The following DCLRE1C variants were observed in gnomAD, a reference collection of about 807,000 sequenced individuals.
The protein encoded by DCLRE1C is protein artemis.
A neutral mutation model predicts 61.4 loss-of-function variants in DCLRE1C; 47 were observed. The ratio of observed to expected loss-of-function variants is 0.77; its 90% confidence interval spans 0.61 to 0.98. The LOEUF (loss-of-function observed/expected upper bound fraction) is 0.98. Ranked by LOEUF, DCLRE1C falls within the 50% of genes least tolerant of loss-of-function variation. DCLRE1C has a pLI of 0.00. For missense variants in DCLRE1C, 858 were observed against 816.0 expected (o/e 1.05, Z -0.63); for synonymous variants, 337 against 287.6 (o/e 1.17, Z -1.74).
At chr10:14,954,119 G>A (rs1842852466), upstream of DCLRE1C, 2 of 1,566,714 alleles carry the variant, frequency 1.3e-6, no homozygotes, top group Admixed American at 1.8e-5. Flanking sequence ...GCCATTGGGC[G>A]GCCGAACGCA....
chr10:14,916,745 G>C (rs1836265812), intron 13 of DCLRE1C, among the ~76,000 whole-genome samples: 1 of 152,164 alleles, frequency 6.6e-6, no homozygotes, highest in East Asian at 1.9e-4. Context: ...AAACACTGCT[G>C]AGAGAAATTA....
chr10:14,921,134 C>T (rs1225043621), intron 12 of DCLRE1C, among the ~76,000 whole-genome samples: 1 of 152,118 alleles, frequency 6.6e-6, no homozygotes, highest in Non-Finnish European at 1.5e-5. Flanking sequence ...TCCTGGCTAA[C>T]ATGGTGAAAC....
Position 14,933,429 on chromosome 10 carries a change from G to C in DCLRE1C, c.679-474C>G, listed in dbSNP as rs147092495. On this transcript the variant is annotated intron_variant, in intron 8 of 13. Transcript: ENST00000378278. ...AGGCCGGTGGATCACTTGAGGTCAG[G>C]AGATCGAGACCAGCCTGGCCAACAT... 8.3e-4 allele frequency among the ~76,000 whole-genome samples: 126 copies of C among 152,248 alleles called. 1 individual carries two copies. Among genetic ancestry groups the C allele is most frequent in the Non-Finnish European group, 1.5e-3 (103 of 68,026 alleles).
At chr10:14,909,367 G>A (rs749492307) in intron 13 of DCLRE1C, 37 bp from the exon 14 acceptor site, 2 of 1,579,984 alleles carry the variant, frequency 1.3e-6, no homozygotes, top group Non-Finnish European at 1.7e-6. Context: ...AGGAAACAAG[G>A]CAAAGGGAGC....
At chr10:14,934,873 G>C in intron 6 of DCLRE1C, 98 bp from the exon 7 acceptor site, 1 of 856,280 alleles carries the variant, frequency 1.2e-6, no homozygotes, top group Non-Finnish European at 2.0e-6. Flanking sequence ...TGTTGCCCAG[G>C]CTGAAGTGCA....
In DCLRE1C at chr10:14,934,266, T is replaced by C. The variant is rs41297036; in HGVS notation, c.678+114A>G. On this transcript the variant is annotated intron_variant, in intron 8 of 13. Coordinates refer to ENST00000378278, the MANE Select transcript of DCLRE1C (RefSeq NM_001033855.3). ...TTGCTTGAACCCGGGAGGTGGAGGC[T>C]GCAGTGAGCCGAGGTCGCGTCACTA... is the stretch of plus-strand genomic sequence containing the variant. The C allele has an allele frequency of 2.4e-3, 3,503 of 1,442,638 alleles. 89 individuals are homozygous for C. The African/African-American group carries it at 0.046, about 19-fold the overall frequency. The allele number at this position is 1,442,638 out of a possible 1,614,324, so 89.4% of individuals were successfully genotyped here. A position where few individuals can be genotyped will look rare whatever the true frequency, so the allele number is the denominator to read the frequency against.
At chr10:14,932,591 G>A (rs572455976) in intron 9 of DCLRE1C, among the ~76,000 whole-genome samples, 2 of 151,924 alleles carry the variant, frequency 1.3e-5, no homozygotes, top group Admixed American at 6.6e-5. Flanking sequence ...AGCCTAGATC[G>A]CACCACTGCA....
chr10:14,947,977 C>G (rs575515311), intron 2 of DCLRE1C, among the ~76,000 whole-genome samples: 2 of 152,038 alleles, frequency 1.3e-5, no homozygotes, highest in Non-Finnish European at 1.5e-5. Context: ...AAGAATCACT[C>G]GAAAAGAAGT....
At chr10:14,937,710 G>A (rs1036420959) in intron 4 of DCLRE1C, among the ~76,000 whole-genome samples, 5 of 151,936 alleles carry the variant, frequency 3.3e-5, no homozygotes, top group Admixed American at 3.3e-4. Flanking sequence ...GGCCAACATG[G>A]CGAAACCCTG....
chr10:14,899,739 GT>G (rs1209301562), downstream of DCLRE1C: 3 of 1,579,668 alleles, frequency 1.9e-6, no homozygotes, highest in Non-Finnish European at 2.6e-6. Context: ...CCTAGTACTA[GT>G]TTCCATAGCT....
chr10:14,898,260 T>C (rs1462889842), exon 14 of DCLRE1C: 1 of 145,362 alleles, frequency 6.9e-6, no homozygotes. Flanking sequence ...TCCATTATTG[T>C]AGAGAAATTG....
exon 14 of DCLRE1C, chr10:14,897,550 A>G: frequency 6.8e-7 from 1 of 1,474,994 alleles, no homozygotes; most frequent in Non-Finnish European, 9.0e-7. Flanking sequence ...TAAATGATGG[A>G]CATGCAAGGT....
chr10:14,925,225 TAAAAAAAAAAAA>T (rs67477083), intron 11 of DCLRE1C, among the ~76,000 whole-genome samples: 8 of 109,318 alleles, frequency 7.3e-5, no homozygotes, highest in East Asian at 5.4e-4. Flanking sequence ...ATAAAGGATT[TAAAAAAAAAAAA>T]AAAAAAAAAA....
At chr10:14,897,362 A>G (rs1833662813) in exon 14 of DCLRE1C, 2 of 1,613,112 alleles carry the variant, frequency 1.2e-6, no homozygotes, top group Non-Finnish European at 1.7e-6. Context: ...ATGCAACTCA[A>G]GGTGTCAGTG....
intron 1 of DCLRE1C, among the ~76,000 whole-genome samples, chr10:14,951,389 C>CAAAAAAAAAAAAAAAAA (rs60272216): frequency 4.3e-5 from 2 of 46,036 alleles, no homozygotes; most frequent in Non-Finnish European, 4.2e-5. Context: ...AACCCTGTCT[C>CAAAAAAAAAAAAAAAAA]AAAAAAAAAA....
intron 13 of DCLRE1C, among the ~76,000 whole-genome samples, chr10:14,910,385 A>AGG: frequency 6.6e-6 from 1 of 152,188 alleles, no homozygotes; most frequent in Non-Finnish European, 1.5e-5. Flanking sequence ...CCTCACTACT[A>AGG]TGCCAAAGTT....
At chr10:14,935,393 G>A in intron 6 of DCLRE1C, 70 bp downstream of exon 6, 1 of 1,535,632 alleles carries the variant, frequency 6.5e-7, no homozygotes, top group Non-Finnish European at 9.0e-7. Context: ...TTGAACTCTG[G>A]GCGACACAGC....
At chr10:14,926,547 G>A (rs1011941474) in intron 11 of DCLRE1C, among the ~76,000 whole-genome samples, 2 of 151,660 alleles carry the variant, frequency 1.3e-5, no homozygotes, top group Non-Finnish European at 1.5e-5. Flanking sequence ...CCAGCTATTC[G>A]GGAGGCTGAG....
At chr10:14,921,177 G>A (rs531844288) in intron 12 of DCLRE1C, among the ~76,000 whole-genome samples, 7 of 151,634 alleles carry the variant, frequency 4.6e-5, no homozygotes, top group South Asian at 4.2e-4. Context: ...AAAATTAGCC[G>A]GGCGTGGTCG....
Sources: allele counts gnomAD v4.1 joint callset (sites outside exome capture counted in the v4.1 genomes callset), GRCh38; gene constraint gnomAD v4.1.1; transcripts MANE v1.5; gene names NCBI Gene and HGNC (gene_info 2026-07-23, HGNC 2026-07-21).